The following DLGAP1 variants were observed in gnomAD, a reference collection of about 807,000 sequenced individuals.
The protein encoded by DLGAP1 is disks large-associated protein 1.
DLGAP1 carries 11 observed loss-of-function variants against 90.8 expected under a neutral mutation model. The observed-to-expected ratio is 0.12, with a 90% CI of 0.08 to 0.20. The LOEUF (loss-of-function observed/expected upper bound fraction) is 0.20. Ranked by LOEUF, DLGAP1 falls within the 10% of genes least tolerant of loss-of-function variation. The pLI is 1.00. For synonymous variants in DLGAP1, 558 were observed against 540.7 expected (o/e 1.03, Z -0.44); for missense variants, 1,050 against 1,333.8 (o/e 0.79, Z 3.31).
At chr18:4,210,783 T>C (rs1255963676) in intron 1 of DLGAP1, among the ~76,000 whole-genome samples, 1 of 152,190 alleles carries the variant, frequency 6.6e-6, no homozygotes, top group Admixed American at 6.5e-5. Flanking sequence ...TATGTCTGGA[T>C]GGAGACTAAA....
intron 3 of DLGAP1, among the ~76,000 whole-genome samples, chr18:3,903,989 T>C (rs73940263): frequency 0.01 from 1,579 of 152,326 alleles, 28 homozygotes; most frequent in African/African-American, 0.035. Flanking sequence ...AGAGATGGGT[T>C]ACTTTCGTAA....
intron 7 of DLGAP1, among the ~76,000 whole-genome samples, chr18:3,665,490 T>C (rs192069991): frequency 2.6e-5 from 4 of 152,366 alleles, no homozygotes; most frequent in African/African-American, 7.2e-5. Context: ...TCTGCTCTGC[T>C]TAAAGATTAG....
rs980731716 is a variant in DLGAP1 at position 4,121,736 on chromosome 18, T to C, written c.-159+29444A>G. On this transcript the variant is annotated intron_variant, in intron 2 of 12. Coordinates refer to ENST00000315677, the MANE Select transcript of DLGAP1 (RefSeq NM_004746.4). ...CCCCTACTGCAAGACCCTGTTGCAGTGGTCCCTGTACCCATCGTGATAGTC... is the reference window on the plus strand; with the variant it reads ...CCCCTACTGCAAGACCCTGTTGCAGCGGTCCCTGTACCCATCGTGATAGTC... 2.6e-5 allele frequency among the ~76,000 whole-genome samples: 4 copies of C among 152,182 alleles called. No homozygotes were observed. The East Asian group carries it at 7.7e-4, about 29-fold the overall frequency.
chr18:4,229,656 C>T (rs1388146725), intron 1 of DLGAP1, among the ~76,000 whole-genome samples: 2 of 151,928 alleles, frequency 1.3e-5, no homozygotes, highest in African/African-American at 2.4e-5. Context: ...TTGTCTCTTG[C>T]CATATTAAGA....
intron 3 of DLGAP1, among the ~76,000 whole-genome samples, chr18:3,997,855 C>A (rs747243379): frequency 2.0e-5 from 3 of 151,554 alleles, no homozygotes; most frequent in Non-Finnish European, 2.9e-5. Flanking sequence ...ATCTTTTTTT[C>A]ATATTAAGTT....
Position 3,793,814 on chromosome 18 carries a change from TGTGA to T in DLGAP1, c.1172+20241_1172+20244del, listed in dbSNP as rs1208864415. The stretch of plus-strand genomic sequence containing the variant: ...CTGCGACCCCCTGACACTATCCCCT[TGTGA>T]GTGTGGCCTTTCGTAATCACTTTCT... On this transcript the variant is annotated intron_variant, in intron 5 of 12. Coordinates refer to ENST00000315677, the MANE Select transcript of DLGAP1 (RefSeq NM_004746.4). Among the ~76,000 whole-genome samples the T allele has an allele frequency of 2.0e-5, 3 of 152,330 alleles. No individual in the cohort carries two copies. In the East Asian group the frequency reaches 5.8e-4, roughly 29 times the overall value.
chr18:3,642,375 T>C (rs2058971530), intron 7 of DLGAP1, among the ~76,000 whole-genome samples: 1 of 152,226 alleles, frequency 6.6e-6, no homozygotes, highest in African/African-American at 2.4e-5. Context: ...TTTTGGAGCA[T>C]TTTCGATTTC....
intron 1 of DLGAP1, among the ~76,000 whole-genome samples, chr18:4,165,798 C>T (rs1403841256): frequency 6.6e-6 from 1 of 152,104 alleles, no homozygotes; most frequent in East Asian, 1.9e-4. Flanking sequence ...GAGATCCACT[C>T]AAAACCATTA....
chr18:4,132,202 C>A (rs2076327374), intron 2 of DLGAP1, among the ~76,000 whole-genome samples: 1 of 152,092 alleles, frequency 6.6e-6, no homozygotes, highest in African/African-American at 2.4e-5. Flanking sequence ...TTAGACAATT[C>A]ATTCTTTTCA....
intron 2 of DLGAP1, among the ~76,000 whole-genome samples, chr18:4,107,928 T>C (rs1314734194): frequency 6.6e-6 from 1 of 152,182 alleles, no homozygotes; most frequent in East Asian, 1.9e-4. Flanking sequence ...ACTCTAAGAA[T>C]TGAAAAATCT....
At chr18:4,427,168 C>T (rs1196147237) in intron 1 of DLGAP1, among the ~76,000 whole-genome samples, 1 of 152,098 alleles carries the variant, frequency 6.6e-6, no homozygotes, top group African/African-American at 2.4e-5. Context: ...ATTAATTAAC[C>T]AAATGGAGCA....
chr18:3,628,122 C>T (rs1483841660), intron 7 of DLGAP1, among the ~76,000 whole-genome samples: 7 of 151,766 alleles, frequency 4.6e-5, no homozygotes, highest in Non-Finnish European at 8.8e-5. Flanking sequence ...GTGGTCCACC[C>T]GCCTTGGCCT....
At chr18:3,741,240 CCATCACCATCACCACCACAAT>C (rs1568049695) in intron 6 of DLGAP1, among the ~76,000 whole-genome samples, 11 of 123,322 alleles carry the variant, frequency 8.9e-5, no homozygotes, top group African/African-American at 3.3e-4. Flanking sequence ...ACCACCACCA[CCATCACCATCACCACCACAAT>C]CACCACCACC....
intron 4 of DLGAP1, among the ~76,000 whole-genome samples, chr18:3,876,266 T>A (rs1040423945): frequency 2.6e-5 from 4 of 152,156 alleles, no homozygotes; most frequent in Non-Finnish European, 5.9e-5. Context: ...TGACCCCATA[T>A]GAATATATGG....
chr18:3,723,854 A>G (rs2062063033), intron 7 of DLGAP1, among the ~76,000 whole-genome samples: 1 of 152,206 alleles, frequency 6.6e-6, no homozygotes, highest in South Asian at 2.1e-4. Flanking sequence ...CTCCTGTTAC[A>G]AAAATCAAAC....
intron 1 of DLGAP1, among the ~76,000 whole-genome samples, chr18:4,230,986 G>A (rs189115725): frequency 3.9e-5 from 6 of 152,036 alleles, no homozygotes; most frequent in South Asian, 4.2e-4. Context: ...GTAGCTGTCC[G>A]TGGTACTTGT....
chr18:4,085,069 AT>A (rs2075662944), intron 2 of DLGAP1, among the ~76,000 whole-genome samples: 1 of 152,198 alleles, frequency 6.6e-6, no homozygotes, highest in African/African-American at 2.4e-5. Context: ...AGAATGGATT[AT>A]TCTATATTAT....
chr18:3,956,356 T>TC (rs1287286080), intron 3 of DLGAP1, among the ~76,000 whole-genome samples: 1 of 152,182 alleles, frequency 6.6e-6, no homozygotes, highest in African/African-American at 2.4e-5. Flanking sequence ...CATTTTTTTT[T>TC]CCTTTTTTTT....
chr18:3,669,975 A>C (rs1370986832), intron 7 of DLGAP1, among the ~76,000 whole-genome samples: 1 of 152,176 alleles, frequency 6.6e-6, no homozygotes, highest in African/African-American at 2.4e-5. Flanking sequence ...GCCTGTTTGT[A>C]TGCTCCCCTA....
Sources: allele counts gnomAD v4.1 joint callset (sites outside exome capture counted in the v4.1 genomes callset), GRCh38; gene constraint gnomAD v4.1.1; transcripts MANE v1.5; gene names NCBI Gene and HGNC (gene_info 2026-07-23, HGNC 2026-07-21).